Variants in XYLB observed in about 807,000 individuals in gnomAD.
The protein encoded by XYLB is xylulose kinase.
XYLB carries 62 observed loss-of-function variants against 78.7 expected under a neutral mutation model. The ratio of observed to expected loss-of-function variants is 0.79; its 90% CI spans 0.64 to 0.97. The LOEUF (loss-of-function observed/expected upper bound fraction) is 0.97, where lower values mean the gene tolerates loss of function less well. Among genes scored for constraint, XYLB ranks in the 50% least tolerant of loss-of-function variants. XYLB has a pLI of 0.00. For synonymous variants in XYLB, 245 were observed against 247.4 expected, an observed-to-expected ratio of 0.99 and a Z score of 0.09; for missense variants, 687 against 676.8, an observed-to-expected ratio of 1.02 and a Z score of -0.17.
At position 38,352,041 on chromosome 3, in the gene XYLB, G is replaced by T. The variant is rs79977459; in HGVS notation, c.140+3409G>T. ...TTTTCTTGGAAATGACATACCAGGA[G>T]TACAGTGGCTGAGTTATACGGCAGG... On this transcript the variant is annotated intron_variant, in intron 2 of 18. Transcript: ENST00000207870. Among the ~76,000 whole-genome samples the T allele has an allele frequency of 4.4e-3, 675 of 152,280 alleles. 6 individuals carry two copies. Among genetic ancestry groups the T allele is most frequent in the African/African-American group, 0.015 (619 of 41,568 alleles).
intron 15 of XYLB, among the ~76,000 whole-genome samples, chr3:38,382,405 A>G (rs1707190408): frequency 6.6e-6 from 1 of 152,220 alleles, no homozygotes; most frequent in Non-Finnish European, 1.5e-5. Flanking sequence ...GGGTGCTGTC[A>G]ATGTTCTGTT....
intron 16 of XYLB, among the ~76,000 whole-genome samples, 177 bp from the exon 17 acceptor site, chr3:38,396,895 C>G (rs970043379): frequency 6.6e-6 from 1 of 152,152 alleles, no homozygotes; most frequent in Admixed American, 6.5e-5. Flanking sequence ...CCCAGCTCAT[C>G]CTGACTCTAT....
At chr3:38,390,592 G>A (rs196372) in intron 15 of XYLB, among the ~76,000 whole-genome samples, 53,929 of 151,986 alleles carry the variant, frequency 0.35, 10,835 homozygotes, top group South Asian at 0.49. Flanking sequence ...GTGTGATCAC[G>A]GCTCATTGCA....
At chr3:38,408,145 C>A (rs1024976541) in intron 18 of XYLB, among the ~76,000 whole-genome samples, 5 of 151,600 alleles carry the variant, frequency 3.3e-5, no homozygotes, top group African/African-American at 1.2e-4. Flanking sequence ...TAAAGCTCTC[C>A]TCAGCAAACG....
intron 10 of XYLB, 66 bp from the exon 11 acceptor site, chr3:38,374,396 C>T (rs1706736624): frequency 6.2e-7 from 1 of 1,612,138 alleles, no homozygotes; most frequent in East Asian, 2.2e-5. Context: ...CCTGGAGAGC[C>T]CTGTGGTTTG....
chr3:38,350,422 C>A (rs546615579), intron 2 of XYLB, among the ~76,000 whole-genome samples: 1 of 152,290 alleles, frequency 6.6e-6, no homozygotes, highest in South Asian at 2.1e-4. Context: ...TAATGATGAT[C>A]TCTTGCTGTT....
At chr3:38,419,604 A>ATATATATAT (rs1559628830), downstream of XYLB, among the ~76,000 whole-genome samples, 16 of 107,218 alleles carry the variant, frequency 1.5e-4, no homozygotes, top group African/African-American at 2.1e-4. Flanking sequence ...ATATATATAT[A>ATATATATAT]ATAGCCATCG....
downstream of XYLB, among the ~76,000 whole-genome samples, chr3:38,420,907 C>G (rs999960129): frequency 2.0e-5 from 3 of 152,208 alleles, no homozygotes; most frequent in Non-Finnish European, 4.4e-5. Flanking sequence ...CAAGGAACAC[C>G]TGGCCCCGCC....
chr3:38,348,661 A>C (rs747299227), intron 2 of XYLB, 29 bp downstream of exon 2: 22 of 1,609,012 alleles, frequency 1.4e-5, no homozygotes, highest in Non-Finnish European at 1.9e-5. Flanking sequence ...TGTGTGTGTG[A>C]TGGGGGTGTT....
At position 38,368,270 on chromosome 3, in the gene XYLB, G is replaced by A. The variant is rs777935783; in HGVS notation, c.646+13G>A. ...GACTACAGTGATGGTGAGCCTCGGG[G>A]TATGGGGTGGGTGCCTGGGCAGTGT... On this transcript the variant is annotated intron_variant, in intron 8 of 18. Coordinates refer to ENST00000207870, the MANE Select transcript of XYLB (RefSeq NM_005108.4). 7.4e-6 allele frequency: 12 copies of A among 1,613,662 alleles called. No individual in the cohort carries two copies. The highest frequency in any genetic ancestry group is 1.0e-5 in the Non-Finnish European group (12 of 1,179,700).
At chr3:38,451,295 C>T in the XYLB span, 1 of 152,122 alleles carries the variant, frequency 6.6e-6, no homozygotes, top group Non-Finnish European at 1.5e-5. Flanking sequence ...GCCTGAAGGT[C>T]CTTTCCTGAG....
Position 38,376,228 on chromosome 3 carries a change from C to A in XYLB, c.1116C>A (p.Asn372Lys). ...CCACAGAGATGGGCAACGGTGGAAA[C>A]CTGGGTAGGCCAGTTGGTGGTGCCC... ...LQSTEMGNGG[N>K]LGFYFDVMEI... Residue 372 changes from asparagine to lysine, a missense_variant, in exon 13 of 19, where the codon AAC becomes AAA. Asn to Lys is a moderately conservative substitution (Grantham distance 94). Transcript: ENST00000207870. The A allele has an allele frequency of 2.5e-6, 4 of 1,606,712 alleles. No homozygotes were observed. The highest frequency in any genetic ancestry group is 3.4e-6 in the Non-Finnish European group (4 of 1,173,270).
At chr3:38,400,174 G>C (rs1263951088) in intron 17 of XYLB, among the ~76,000 whole-genome samples, 1 of 152,138 alleles carries the variant, frequency 6.6e-6, no homozygotes, top group Non-Finnish European at 1.5e-5. Flanking sequence ...CATTTGCTTG[G>C]TGAGTAATTA....
rs1297587975 is a variant in XYLB, at chr3:38,414,671, A to C, written c.*1658A>C. ...ACTGAACTTGGGAAATAATTTGAAC[A>C]AAAAGATAAATCTTCACAGATATGA... On this transcript the variant is annotated 3_prime_UTR_variant, in exon 19 of 19. Transcript: ENST00000207870. 1 of 152,248 alleles carries C rather than the reference A, an allele frequency of 6.6e-6. No homozygotes were observed. Among genetic ancestry groups the C allele is most frequent in the Non-Finnish European group, 1.5e-5 (1 of 68,044 alleles). The allele number at this position is 152,248 out of a possible 1,614,324, so 9.4% of individuals were successfully genotyped here.
chr3:38,440,022 C>A, the XYLB span, among the ~76,000 whole-genome samples: 66 of 152,030 alleles, frequency 4.3e-4, no homozygotes, highest in Non-Finnish European at 8.1e-4. Flanking sequence ...TCTGAGAAAT[C>A]CTTTGAGAGT....
In XYLB at chr3:38,346,899, C is replaced by G. The variant is rs766265017; in HGVS notation, c.31C>G (p.Leu11Val). Residue 11 changes from leucine (L) to valine (V), a missense_variant, in exon 1 of 19, where the codon CTG (leucine) becomes GTG (valine). Coordinates refer to ENST00000207870, the MANE Select transcript of XYLB (RefSeq NM_005108.4). MAEHAPRRCC[L>V]GWDFSTQQVK... ...GGAGCACGCCCCTCGCCGCTGCTGC[C>G]TGGGCTGGGACTTCAGCACGCAGCA... 9 of 1,519,398 alleles carry G rather than the reference C, an allele frequency of 5.9e-6. No homozygotes were observed. Among genetic ancestry groups the G allele is most frequent in the Non-Finnish European group, 7.9e-6 (9 of 1,136,378 alleles). The allele number at this position is 1,519,398 out of a possible 1,614,324, so 94.1% of individuals were successfully genotyped here.
intron 15 of XYLB, among the ~76,000 whole-genome samples, chr3:38,381,217 A>C (rs994897263): frequency 6.6e-6 from 1 of 152,166 alleles, no homozygotes; most frequent in Non-Finnish European, 1.5e-5. Flanking sequence ...AATTTCTTAC[A>C]CCTGTCTTTA....
At position 38,413,858 on chromosome 3, in the gene XYLB, G is replaced by A. The variant is rs989631545; in HGVS notation, c.*845G>A. ...TCTCTCTTCTTGCAGTCCACTTGCT[G>A]AAGAAGTTGTGTCATTTCTCTGGAA... On this transcript the variant is annotated 3_prime_UTR_variant, in exon 19 of 19. Coordinates refer to ENST00000207870, the MANE Select transcript of XYLB (RefSeq NM_005108.4). 7.2e-5 allele frequency: 11 copies of A among 152,168 alleles called. No individual in the cohort carries two copies. Among genetic ancestry groups the A allele is most frequent in the Non-Finnish European group, 1.5e-4 (10 of 68,038 alleles). The allele number at this position is 152,168 out of a possible 1,614,324, so 9.4% of individuals were successfully genotyped here.
chr3:38,433,025 C>T, the XYLB span, among the ~76,000 whole-genome samples: 1 of 152,234 alleles, frequency 6.6e-6, no homozygotes, highest in South Asian at 2.1e-4. Context: ...AGCAGAGTTT[C>T]ATCCATGAGG....
Sources: gnomAD v4.1 joint callset for allele counts (sites outside exome capture counted in the v4.1 genomes callset) on GRCh38, gnomAD v4.1.1 for gene constraint, MANE v1.5 for transcripts, NCBI Gene and HGNC (gene_info 2026-07-23, HGNC 2026-07-21) for gene names.